The following ADGRE5 variants were observed in gnomAD, a reference collection of about 807,000 sequenced individuals.
ADGRE5 encodes CD97 molecule.
ADGRE5 carries 72 observed loss-of-function variants against 100.3 expected under a neutral mutation model. The observed-to-expected ratio is 0.72, with a 90% CI of 0.59 to 0.87. The LOEUF (loss-of-function observed/expected upper bound fraction) is 0.87. Among genes scored for constraint, ADGRE5 ranks in the 40% least tolerant of loss-of-function variants. The pLI is 0.00. For missense variants in ADGRE5, 959 were observed against 1,094.7 expected, an observed-to-expected ratio of 0.88 and a Z score of 1.75; for synonymous variants, 439 against 447.8, an observed-to-expected ratio of 0.98 and a Z score of 0.25.
chr19:14,398,532 G>A (rs1407178100), intron 9 of ADGRE5, among the ~76,000 whole-genome samples: 18 of 152,020 alleles, frequency 1.2e-4, no homozygotes, highest in Non-Finnish European at 2.4e-4. Context: ...AAAATTAGCT[G>A]GGTGTGGTGG....
At position 14,404,534 on chromosome 19, in the gene ADGRE5, C is replaced by G; in HGVS notation, c.1601C>G (p.Ala534Gly). ...CAATGCAGCCACCTGAGCAGCTTTG[C>G]GATCCTTATGGCTCATTATGACGTG... ...TCQCSHLSSFAILMAHYDVED... is the reference protein window; with the variant it reads ...TCQCSHLSSFGILMAHYDVED... The change falls in exon 13 of 20, where the codon GCG becomes GGG. Residue 534 changes from alanine to glycine, a missense_variant. Coordinates refer to ENST00000242786, the MANE Select transcript of ADGRE5 (RefSeq NM_078481.4). 6.2e-7 allele frequency: 1 copy of G among 1,612,890 alleles called. No homozygotes were observed. The highest frequency in any genetic ancestry group is 8.5e-7 in the Non-Finnish European group (1 of 1,179,576).
chr19:14,405,979 G>C, intron 14 of ADGRE5, 40 bp downstream of exon 14: 1 of 1,546,186 alleles, frequency 6.5e-7, no homozygotes, highest in Non-Finnish European at 8.7e-7. Context: ...TCTGGGGTCA[G>C]GGAGGCCTGG....
At chr19:14,407,818 C>G (rs1254976441) in intron 18 of ADGRE5, 90 bp from the exon 19 acceptor site, 1 of 1,106,890 alleles carries the variant, frequency 9.0e-7, no homozygotes, top group African/African-American at 1.6e-5. Context: ...ACAAAAACAC[C>G]AAGAAGGTGG....
rs376980277 is a variant in ADGRE5, at chr19:14,381,495, C to T, written c.-29C>T. On this transcript the variant is annotated 5_prime_UTR_variant, in exon 1 of 20. Transcript: ENST00000242786. ...ACAGCCCTGTCCCACTCACTCTTTC[C>T]CCTGCCGCTCCTGCCGGCAGCTCCA... 5.3e-4 allele frequency: 855 copies of T among 1,610,318 alleles called. 2 individuals carry two copies. In the African/African-American group the frequency reaches 9.8e-3, roughly 18 times the overall value.
rs1976231698 is a variant in ADGRE5, at chr19:14,406,298, A to G, written c.1822-33A>G. 1 of 1,496,910 alleles carries G rather than the reference A, an allele frequency of 6.7e-7. No homozygotes were observed. Among genetic ancestry groups the G allele is most frequent in the African/African-American group, 1.4e-5 (1 of 72,192 alleles). The allele number at this position is 1,496,910 out of a possible 1,614,324, so 92.7% of individuals were successfully genotyped here. On this transcript the variant is annotated intron_variant, in intron 14 of 19. Transcript: ENST00000242786. The surrounding 1 kb of genome is among the most constrained non-coding windows in gnomAD (Gnocchi z 6.0). ...GCGCCGCATGCCCCTCCCCGCGCTG[A>G]CGTCGCTCCGCCCCTCCGTCCCCGC...
At chr19:14,404,865 C>CG in intron 13 of ADGRE5, 1 of 317,738 alleles carries the variant, frequency 3.1e-6, no homozygotes, top group Non-Finnish European at 5.7e-6. Flanking sequence ...ACCACTTGCC[C>CG]GTTTTTTTTT....
At chr19:14,393,493 G>A (rs1437495391) in intron 4 of ADGRE5, among the ~76,000 whole-genome samples, 1 of 152,234 alleles carries the variant, frequency 6.6e-6, no homozygotes, top group African/African-American at 2.4e-5. Flanking sequence ...ATTCACAGGG[G>A]CAGATGGGAG....
chr19:14,391,226 A>G (rs1404509808), intron 4 of ADGRE5, 147 bp downstream of exon 4: 1 of 990,728 alleles, frequency 1.0e-6, no homozygotes, highest in Non-Finnish European at 1.5e-6. Context: ...TACCTACCCC[A>G]CCACCCCAGA....
chr19:14,408,565 C>A lies in ADGRE5; in HGVS notation c.*444C>A. 1 of 431,604 alleles carries A rather than the reference C, an allele frequency of 2.3e-6. No individual in the cohort carries two copies. The highest frequency in any genetic ancestry group is 4.1e-6 in the Non-Finnish European group (1 of 241,048). 26.7% of individuals were successfully genotyped at this position (431,604 alleles called of 1,614,324 possible). A position where few individuals can be genotyped will look rare whatever the true frequency, so the allele number is the denominator to read the frequency against. On this transcript the variant is annotated 3_prime_UTR_variant, in exon 20 of 20. Transcript: ENST00000242786. Reference sequence around the variant, plus strand: ...TGTCAGAGGCCCCATGGCGAGGCCCCTTGGGGCCACTGCCTGAGGCTCACG... The same window carrying A: ...TGTCAGAGGCCCCATGGCGAGGCCCATTGGGGCCACTGCCTGAGGCTCACG...
At chr19:14,402,333 G>A (rs1301733501) in intron 11 of ADGRE5, among the ~76,000 whole-genome samples, 4 of 151,896 alleles carry the variant, frequency 2.6e-5, no homozygotes, top group African/African-American at 9.7e-5. Context: ...TACTTGGGAG[G>A]CTGAGACAGA....
At chr19:14,384,801 GTCTC>G (rs1179818949) in intron 1 of ADGRE5, among the ~76,000 whole-genome samples, 2 of 150,688 alleles carry the variant, frequency 1.3e-5, no homozygotes, top group African/African-American at 2.4e-5. Flanking sequence ...TGTAATTTCT[GTCTC>G]TCTGTCTGTC....
intron 9 of ADGRE5, among the ~76,000 whole-genome samples, chr19:14,399,488 C>T (rs1474245032): frequency 5.8e-5 from 8 of 138,832 alleles, no homozygotes; most frequent in African/African-American, 1.6e-4. Context: ...GGCGTGAACC[C>T]GGGAAGCGGA....
At position 14,406,550 on chromosome 19, in the gene ADGRE5, C is replaced by G; in HGVS notation, c.2041C>G (p.Pro681Ala). Residue 681 changes from proline to alanine, a missense_variant, in exon 15 of 20, where the codon CCC (proline) becomes GCC (alanine). Around this residue, in one of 6 missense-constraint regions of ADGRE5, gnomAD observed 428 missense variants for 386.2 expected, o/e 1.11. Transcript: ENST00000242786. The surrounding 1 kb of genome is among the most constrained non-coding windows in gnomAD (Gnocchi z 6.0). ...AAIYSKGYGR[P>A]RYCWLDFEQG... The stretch of plus-strand genomic sequence containing the variant: ...CATCTACAGCAAGGGCTACGGCCGC[C>G]CCAGATAGTGAGTGCAGCGAGATGG... The G allele has an allele frequency of 6.3e-7, 1 of 1,592,650 alleles. No homozygotes were observed. Among genetic ancestry groups the G allele is most frequent in the South Asian group, 1.1e-5 (1 of 89,508 alleles).
chr19:14,398,514 C>CA lies in ADGRE5; in HGVS notation c.897+386dup, dbSNP rs71164255. Among the ~76,000 whole-genome samples, 1,095 of 149,082 alleles carry CA rather than the reference C, an allele frequency of 7.3e-3. 7 individuals are homozygous for CA. The highest frequency in any genetic ancestry group is 0.017 in the Middle Eastern group (5 of 290). On this transcript the variant is annotated intron_variant, in intron 9 of 19. Coordinates refer to ENST00000242786, the MANE Select transcript of ADGRE5 (RefSeq NM_078481.4). ...GAAACCCCCGTCTCTACTAACAATA[C>CA]AAAAAAAAAAATTAGCTGGGTGTGG...
At position 14,408,495 on chromosome 19, in the gene ADGRE5, G is replaced by A. The variant is rs1431277287; in HGVS notation, c.*374G>A. ...CTCATGTCTTTGCTGCAGAACTGAA[G>A]AGACTAGGCGCTGGGGCTCAGCTTC... On this transcript the variant is annotated 3_prime_UTR_variant, in exon 20 of 20. Transcript: ENST00000242786. 3 of 483,414 alleles carry A rather than the reference G, an allele frequency of 6.2e-6. No individual in the cohort carries two copies. The highest frequency in any genetic ancestry group is 3.4e-5 in the Admixed American group (1 of 29,442). The allele number at this position is 483,414 out of a possible 1,614,324, so 29.9% of individuals were successfully genotyped here.
At chr19:14,389,520 G>A (rs1056232792) in intron 3 of ADGRE5, among the ~76,000 whole-genome samples, 3 of 151,068 alleles carry the variant, frequency 2.0e-5, no homozygotes, top group African/African-American at 7.3e-5. Context: ...ATCACTTGAG[G>A]TTGGGAATTC....
chr19:14,406,568 C>A lies in ADGRE5; in HGVS notation c.2048+11C>A, dbSNP rs1339225626. The stretch of plus-strand genomic sequence containing the variant: ...CGGCCGCCCCAGATAGTGAGTGCAG[C>A]GAGATGGGGCAGGAGGAAGGCGGGG... On this transcript the variant is annotated intron_variant, in intron 15 of 19. Coordinates refer to ENST00000242786, the MANE Select transcript of ADGRE5 (RefSeq NM_078481.4). The surrounding 1 kb of genome is among the most constrained non-coding windows in gnomAD (Gnocchi z 6.0). 6.2e-7 allele frequency: 1 copy of A among 1,601,738 alleles called. No individual in the cohort carries two copies.
chr19:14,392,977 G>A (rs955552030), intron 4 of ADGRE5, among the ~76,000 whole-genome samples: 188 of 151,798 alleles, frequency 1.2e-3, no homozygotes, highest in Non-Finnish European at 2.0e-3. Flanking sequence ...CGAGGCGGGT[G>A]GATCACGAGG....
intron 5 of ADGRE5, 119 bp from the exon 6 acceptor site, chr19:14,396,958 C>T: frequency 1.6e-6 from 2 of 1,286,004 alleles, no homozygotes; most frequent in Non-Finnish European, 2.1e-6. Flanking sequence ...CAAGTGGCGG[C>T]ATGTGCAATA....
Sources: gnomAD v4.1 joint callset for allele counts (sites outside exome capture counted in the v4.1 genomes callset) on GRCh38, gnomAD v4.1.1 for gene constraint, gnomAD v4.1.1 regional missense constraint, Gnocchi (gnomAD v3.1) non-coding constraint, MANE v1.5 for transcripts, NCBI Gene and HGNC (gene_info 2026-07-23, HGNC 2026-07-21) for gene names.